Variants in LMBR1 observed in about 807,000 individuals in gnomAD.
The protein encoded by LMBR1 is limb region 1 protein homolog.
A neutral mutation model predicts 73.9 loss-of-function variants in LMBR1; 52 were observed. The observed-to-expected ratio is 0.70, with a 90% CI of 0.56 to 0.89. LMBR1 has a LOEUF of 0.89. Ranked by LOEUF, LMBR1 falls within the 40% of genes least tolerant of loss-of-function variation. LMBR1 has a pLI of 0.00. For synonymous variants in LMBR1, 215 were observed against 209.4 expected (o/e 1.03, Z -0.23); for missense variants, 539 against 579.8 (o/e 0.93, Z 0.72).
chr7:156,766,452 T>C (rs1397986084), intron 5 of LMBR1, among the ~76,000 whole-genome samples: 1 of 152,150 alleles, frequency 6.6e-6, no homozygotes, highest in Non-Finnish European at 1.5e-5. Context: ...CCAAGTCCTT[T>C]GTCTCTGACC....
intron 15 of LMBR1, among the ~76,000 whole-genome samples, chr7:156,712,994 C>G (rs1585321558): frequency 6.6e-6 from 1 of 152,132 alleles, no homozygotes; most frequent in Admixed American, 6.5e-5. Flanking sequence ...TGCACTTGTA[C>G]CCCTGTAAAT....
At chr7:156,857,973 C>A (rs1294480235) in intron 1 of LMBR1, among the ~76,000 whole-genome samples, 2 of 149,198 alleles carry the variant, frequency 1.3e-5, no homozygotes, top group Non-Finnish European at 3.0e-5. Flanking sequence ...ATGTATAGCA[C>A]TGAATTGCTA....
chr7:156,853,443 C>G (rs1274951656), intron 1 of LMBR1, among the ~76,000 whole-genome samples: 1 of 151,954 alleles, frequency 6.6e-6, no homozygotes, highest in African/African-American at 2.4e-5. Flanking sequence ...TGATCTCACA[C>G]CCTGTGCTTT....
At chr7:156,884,727 C>T (rs1412283306) in intron 1 of LMBR1, among the ~76,000 whole-genome samples, 1 of 152,228 alleles carries the variant, frequency 6.6e-6, no homozygotes. Flanking sequence ...TACAGGTGTG[C>T]TCTTGGAGGT....
At chr7:156,713,818 T>C (rs1812615444) in intron 15 of LMBR1, among the ~76,000 whole-genome samples, 1 of 152,250 alleles carries the variant, frequency 6.6e-6, no homozygotes. Flanking sequence ...CTTCAGACTA[T>C]ATACCCAATA....
chr7:156,787,344 T>C (rs1828300337), intron 5 of LMBR1, among the ~76,000 whole-genome samples: 1 of 152,234 alleles, frequency 6.6e-6, no homozygotes, highest in Admixed American at 6.5e-5. Context: ...CTCAGAGATT[T>C]TTCTGGCTTT....
chr7:156,691,079 A>T (rs560148236), intron 15 of LMBR1, among the ~76,000 whole-genome samples: 1 of 152,318 alleles, frequency 6.6e-6, no homozygotes, highest in Non-Finnish European at 1.5e-5. Flanking sequence ...AACCAAGCAA[A>T]TTTTTTAAAA....
chr7:156,889,686 C>T (rs145257604), intron 1 of LMBR1, among the ~76,000 whole-genome samples: 11 of 152,272 alleles, frequency 7.2e-5, no homozygotes, highest in African/African-American at 1.2e-4. Flanking sequence ...GTAGACGAAG[C>T]TCTGGACTGT....
In LMBR1 at chr7:156,685,125, T is replaced by A. The variant is rs1266197466; in HGVS notation, c.1388-962A>T. 6.6e-6 allele frequency among the ~76,000 whole-genome samples: 1 copy of A among 152,200 alleles called. No homozygotes were observed. Among genetic ancestry groups the A allele is most frequent in the Non-Finnish European group, 1.5e-5 (1 of 68,018 alleles). ...AAACTGAACATAAATAATATCTCAC[T>A]ACCCAAAGGTATTTCACAGAATAAA... On this transcript the variant is annotated intron_variant, in intron 16 of 16. Transcript: ENST00000353442. This position sits in a 1 kb window ranked among gnomAD's most constrained non-coding sequence, Gnocchi z 4.1.
chr7:156,769,959 G>A (rs1253265402), intron 5 of LMBR1, among the ~76,000 whole-genome samples: 4 of 152,076 alleles, frequency 2.6e-5, no homozygotes, highest in Admixed American at 6.5e-5. Context: ...GAAAGAAAAC[G>A]CAGGAATGCT....
intron 1 of LMBR1, among the ~76,000 whole-genome samples, chr7:156,847,764 C>G (rs1398591222): frequency 6.6e-6 from 1 of 152,158 alleles, no homozygotes; most frequent in Non-Finnish European, 1.5e-5. Context: ...CGAACACCAC[C>G]AAATGCTGGT....
intron 1 of LMBR1, among the ~76,000 whole-genome samples, chr7:156,887,205 C>T (rs1802049271): frequency 6.6e-6 from 1 of 152,152 alleles, no homozygotes. Flanking sequence ...GTGGCTCACG[C>T]CTGTAATCCC....
intron 16 of LMBR1, among the ~76,000 whole-genome samples, chr7:156,687,081 T>G (rs569058456): frequency 2.0e-4 from 30 of 152,310 alleles, no homozygotes; most frequent in African/African-American, 7.0e-4. Flanking sequence ...GGTCACCCTC[T>G]CAAACATCAA....
At chr7:156,704,754 T>TA (rs1810546999) in intron 15 of LMBR1, among the ~76,000 whole-genome samples, 2 of 147,004 alleles carry the variant, frequency 1.4e-5, no homozygotes, top group South Asian at 2.1e-4. Context: ...ATAGTTGTCT[T>TA]TAAAAAAAAA....
chr7:156,876,820 C>G (rs998000259), intron 1 of LMBR1, among the ~76,000 whole-genome samples: 2 of 152,018 alleles, frequency 1.3e-5, no homozygotes, highest in Non-Finnish European at 2.9e-5. Flanking sequence ...ACAGCAAAGG[C>G]GGTGCTAAGA....
intron 5 of LMBR1, among the ~76,000 whole-genome samples, chr7:156,776,190 C>A (rs1260628422): frequency 6.6e-6 from 1 of 151,460 alleles, no homozygotes; most frequent in Non-Finnish European, 1.5e-5. Flanking sequence ...ACTATAATGA[C>A]TCAAACTATT....
rs1289030017 is a variant in LMBR1, at chr7:156,771,084, G to GA, written c.424-7290dup. On this transcript the variant is annotated intron_variant, in intron 5 of 16. Coordinates refer to ENST00000353442, the MANE Select transcript of LMBR1 (RefSeq NM_022458.4). ...AGTAGCAAAAACACATTAGAAATATGAAAAAAATGTAATCAAGACATAAGA... is the reference window on the plus strand; with the variant it reads ...AGTAGCAAAAACACATTAGAAATATGAAAAAAAATGTAATCAAGACATAAGA... Among the ~76,000 whole-genome samples, 6 of 150,830 alleles carry GA rather than the reference G, an allele frequency of 4.0e-5. No individual in the cohort carries two copies. In the East Asian group the frequency reaches 1.2e-3, roughly 30 times the overall value.
At chr7:156,672,243 A>G (rs1475995261) in intron 4 of LMBR1, among the ~76,000 whole-genome samples, 1 of 152,172 alleles carries the variant, frequency 6.6e-6, no homozygotes, top group Non-Finnish European at 1.5e-5. Context: ...AGTGCCTACT[A>G]TGGTCGGTGC....
Position 156,685,909 on chromosome 7 carries a change from A to T in LMBR1, c.1388-1746T>A, listed in dbSNP as rs1312092290. 6.6e-6 allele frequency among the ~76,000 whole-genome samples: 1 copy of T among 152,186 alleles called. No individual in the cohort carries two copies. Among genetic ancestry groups the T allele is most frequent in the African/African-American group, 2.4e-5 (1 of 41,438 alleles). ...ACTCATAAACTAATATAGCACTCCA[A>T]ATTTTAATCTTCCTGTCACCTGCAT... On this transcript the variant is annotated intron_variant, in intron 16 of 16. Transcript: ENST00000353442. The surrounding 1 kb of genome is among the most constrained non-coding windows in gnomAD (Gnocchi z 4.1).
Sources: gnomAD v4.1 joint callset for allele counts (sites outside exome capture counted in the v4.1 genomes callset) on GRCh38, gnomAD v4.1.1 for gene constraint, Gnocchi (gnomAD v3.1) non-coding constraint, MANE v1.5 for transcripts, NCBI Gene and HGNC (gene_info 2026-07-23, HGNC 2026-07-21) for gene names.